Variants in UNC13C observed in about 807,000 individuals in gnomAD.
The protein encoded by UNC13C is unc-13 homolog C, also known as protein unc-13 homolog C.
UNC13C carries 174 observed loss-of-function variants against 245.4 expected under a neutral mutation model. The ratio of observed to expected loss-of-function variants is 0.71; its 90% CI spans 0.63 to 0.80. The LOEUF (loss-of-function observed/expected upper bound fraction) is 0.80, where lower values mean the gene tolerates loss of function less well. Among genes scored for constraint, UNC13C ranks in the 30% least tolerant of loss-of-function variants. The probability of loss-of-function intolerance (pLI) is 0.00; values close to 1 mark genes in which losing one functional copy is unlikely to be tolerated. For missense variants in UNC13C, 2,829 were observed against 2,602.9 expected (o/e 1.09, Z -1.89); for synonymous variants, 992 against 895.1 (o/e 1.11, Z -1.93).
chr15:54,085,645 C>T (rs1385557866), intron 2 of UNC13C, among the ~76,000 whole-genome samples: 4 of 151,996 alleles, frequency 2.6e-5, no homozygotes, highest in African/African-American at 9.7e-5. Flanking sequence ...ATAGGGTCTC[C>T]TTTGTCACCC....
chr15:54,536,003 T>C (rs1895967355), intron 26 of UNC13C, among the ~76,000 whole-genome samples: 1 of 151,876 alleles, frequency 6.6e-6, no homozygotes. Context: ...CTGAATCAAA[T>C]TGAGAGATGA....
Position 54,013,640 on chromosome 15 carries a change from T to C in UNC13C, c.737T>C (p.Ile246Thr). The part of the protein sequence containing the change: ...ISQTHDVMEM[I>T]FKELQGISQI... Reference sequence around the variant, plus strand: ...CAAACACATGATGTCATGGAAATGATCTTTAAGGAACTTCAGGGAATAAGT... The same window carrying C: ...CAAACACATGATGTCATGGAAATGACCTTTAAGGAACTTCAGGGAATAAGT... The change falls in exon 2 of 33, where the codon ATC becomes ACC. Residue 246 changes from isoleucine (I) to threonine (T), a missense_variant. Physicochemically the swap from Ile to Thr is moderately conservative, Grantham distance 89. Coordinates refer to ENST00000260323, the MANE Select transcript of UNC13C (RefSeq NM_001080534.3). 1 of 1,613,760 alleles carries C rather than the reference T, an allele frequency of 6.2e-7. No individual in the cohort carries two copies. Among genetic ancestry groups the C allele is most frequent in the African/African-American group, 1.3e-5 (1 of 75,032 alleles).
intron 7 of UNC13C, among the ~76,000 whole-genome samples, chr15:54,242,554 C>T (rs535859129): frequency 6.6e-6 from 1 of 152,100 alleles, no homozygotes; most frequent in Non-Finnish European, 1.5e-5. Context: ...TCTGGCTTTG[C>T]TTTGTTGACT....
chr15:54,610,127 C>T (rs76961378), intron 30 of UNC13C, among the ~76,000 whole-genome samples: 1 of 152,078 alleles, frequency 6.6e-6, no homozygotes, highest in Non-Finnish European at 1.5e-5. Context: ...TTAAATAGAT[C>T]TTATCTTATA....
intron 4 of UNC13C, among the ~76,000 whole-genome samples, chr15:54,223,581 T>G (rs2035290566): frequency 6.6e-6 from 1 of 152,072 alleles, no homozygotes; most frequent in East Asian, 1.9e-4. Context: ...TTGTTTTTGT[T>G]TTTGTTTTTG....
intron 19 of UNC13C, among the ~76,000 whole-genome samples, chr15:54,463,278 G>GT (rs1891974279): frequency 3.8e-5 from 3 of 78,208 alleles, no homozygotes; most frequent in East Asian, 6.9e-4. Context: ...GGGGGGGGGG[G>GT]GGGGCCGGTC....
At chr15:54,271,031 C>G (rs866562254) in intron 10 of UNC13C, among the ~76,000 whole-genome samples, 2 of 152,138 alleles carry the variant, frequency 1.3e-5, no homozygotes, top group Non-Finnish European at 2.9e-5. Flanking sequence ...TTAATGCCCT[C>G]TAGAGATTTT....
At chr15:54,381,867 A>G (rs1354430165) in intron 17 of UNC13C, among the ~76,000 whole-genome samples, 1 of 152,198 alleles carries the variant, frequency 6.6e-6, no homozygotes, top group African/African-American at 2.4e-5. Context: ...AAATCAACAG[A>G]GACATTGGAC....
intron 1 of UNC13C, among the ~76,000 whole-genome samples, chr15:53,992,071 T>A (rs569705105): frequency 6.6e-6 from 1 of 152,186 alleles, no homozygotes; most frequent in East Asian, 1.9e-4. Flanking sequence ...GTGCAGACCA[T>A]GAATTTTCAA....
At chr15:54,545,712 T>C (rs1428570092) in intron 26 of UNC13C, among the ~76,000 whole-genome samples, 1 of 152,108 alleles carries the variant, frequency 6.6e-6, no homozygotes, top group Admixed American at 6.6e-5. Context: ...AAAAAGCTCA[T>C]TATTACTGGT....
At chr15:54,260,872 A>G (rs1365605137) in intron 8 of UNC13C, among the ~76,000 whole-genome samples, 1 of 151,850 alleles carries the variant, frequency 6.6e-6, no homozygotes, top group East Asian at 1.9e-4. Context: ...CAAAAATTGT[A>G]AATTGCCATA....
At chr15:53,909,341 A>T in the UNC13C span, among the ~76,000 whole-genome samples, 1 of 146,842 alleles carries the variant, frequency 6.8e-6, no homozygotes, top group Non-Finnish European at 1.5e-5. Flanking sequence ...TATATCTAAC[A>T]ATGAAATATG....
At chr15:54,453,256 T>C (rs926970775) in intron 19 of UNC13C, among the ~76,000 whole-genome samples, 1 of 152,218 alleles carries the variant, frequency 6.6e-6, no homozygotes, top group Admixed American at 6.5e-5. Flanking sequence ...ACCCTTTTCC[T>C]GCACTGTTGA....
chr15:54,200,450 C>A (rs540850994), intron 4 of UNC13C, among the ~76,000 whole-genome samples: 8 of 152,066 alleles, frequency 5.3e-5, no homozygotes, highest in African/African-American at 1.9e-4. Context: ...AGTCTCAGTA[C>A]ATTTAAAACC....
chr15:54,376,561 A>G (rs1209606477), intron 17 of UNC13C, among the ~76,000 whole-genome samples: 1 of 152,202 alleles, frequency 6.6e-6, no homozygotes, highest in African/African-American at 2.4e-5. Flanking sequence ...CTGATACTCA[A>G]GTAGTCTTCC....
the UNC13C span, among the ~76,000 whole-genome samples, chr15:53,933,521 A>G: frequency 0.99 from 150,248 of 152,282 alleles, 74,153 homozygotes; most frequent in Middle Eastern, 1. Context: ...GATACACCCC[A>G]CTGTGGAAGC....
intron 19 of UNC13C, among the ~76,000 whole-genome samples, chr15:54,418,754 A>C (rs1213214479): frequency 2.6e-5 from 4 of 152,190 alleles, no homozygotes; most frequent in African/African-American, 9.6e-5. Flanking sequence ...CGGGAGCAAG[A>C]AATGAAGCTA....
At chr15:54,241,397 C>A (rs772195697) in intron 7 of UNC13C, among the ~76,000 whole-genome samples, 1 of 152,138 alleles carries the variant, frequency 6.6e-6, no homozygotes. Context: ...CTGCTCAGAA[C>A]ACCTCTCTGA....
intron 2 of UNC13C, among the ~76,000 whole-genome samples, chr15:54,044,054 C>T (rs1225206393): frequency 6.6e-6 from 1 of 152,126 alleles, no homozygotes; most frequent in African/African-American, 2.4e-5. Context: ...AAAAGAAACC[C>T]CATGTTTATT....
Sources: allele counts gnomAD v4.1 joint callset (sites outside exome capture counted in the v4.1 genomes callset), GRCh38; gene constraint gnomAD v4.1.1; transcripts MANE v1.5; gene names NCBI Gene and HGNC (gene_info 2026-07-23, HGNC 2026-07-21).